The following RIN3 variants were observed in gnomAD, a reference collection of about 807,000 sequenced individuals.
RIN3 encodes the protein RAB5 interacting protein 3.
In RIN3, 54 loss-of-function variants were observed where a neutral mutation model predicts 76.3. The ratio of observed to expected loss-of-function variants is 0.71; its 90% CI spans 0.57 to 0.89. The LOEUF (loss-of-function observed/expected upper bound fraction) is 0.89, where lower values mean the gene tolerates loss of function less well. Ranked by LOEUF, RIN3 falls within the 40% of genes least tolerant of loss-of-function variation. The pLI is 0.00. For missense variants in RIN3, 1,256 were observed against 1,322.1 expected (o/e 0.95, Z 0.78); for synonymous variants, 576 against 564.0 (o/e 1.02, Z -0.30).
At chr14:92,524,402 C>T (rs1391894277) in intron 1 of RIN3, among the ~76,000 whole-genome samples, 3 of 152,202 alleles carry the variant, frequency 2.0e-5, no homozygotes, top group Non-Finnish European at 4.4e-5. Flanking sequence ...GCCACTTCAC[C>T]TCTTTGCCTA....
Position 92,652,907 on chromosome 14 carries a change from G to C in RIN3, c.1858G>C (p.Val620Leu), listed in dbSNP as rs758340968. ...QDKGSYFGSL[V>L]QDYKVYSLEM... is the part of the protein sequence containing the mutation. ...CAAGGGCTCGTACTTTGGCAGCCTG[G>C]TGCAGGACTACAAGGTGTACAGCCT... Residue 620 changes from valine to leucine, a missense_variant, in exon 6 of 10, where the codon GTG becomes CTG. Around this residue, in one of 3 missense-constraint regions of RIN3, gnomAD observed 428 missense variants for 521.2 expected, o/e 0.82. Coordinates refer to ENST00000216487, the MANE Select transcript of RIN3 (RefSeq NM_024832.5). The surrounding 1 kb of genome is among the most constrained non-coding windows in gnomAD (Gnocchi z 6.4). 77 of 1,613,932 alleles carry C rather than the reference G, an allele frequency of 4.8e-5. No individual in the cohort carries two copies. Among genetic ancestry groups the C allele is most frequent in the Non-Finnish European group, 5.3e-5 (63 of 1,180,050 alleles).
At chr14:92,614,481 A>G (rs1337820332) in intron 3 of RIN3, among the ~76,000 whole-genome samples, 2 of 152,170 alleles carry the variant, frequency 1.3e-5, no homozygotes, top group East Asian at 1.9e-4. Context: ...TGATGAGTGT[A>G]TATTAACACC....
chr14:92,660,361 G>A (rs1320256469), intron 7 of RIN3, among the ~76,000 whole-genome samples: 1 of 152,176 alleles, frequency 6.6e-6, no homozygotes, highest in Non-Finnish European at 1.5e-5. Flanking sequence ...GGACGGCCTT[G>A]CCCACATGCT....
In RIN3 at chr14:92,651,689, G is replaced by A. The variant is rs1325737876; in HGVS notation, c.640G>A (p.Ala214Thr). ...FPLVSSLRPT[A>T]HDANCACEIE... ...CCTAGTCTCCAGCCTCAGGCCCACA[G>A]CCCATGACGCAAACTGTGCCTGTGA... Residue 214 changes from alanine to threonine, a missense_variant, in exon 6 of 10, where the codon GCC (alanine) becomes ACC (threonine). Around this residue, in one of 3 missense-constraint regions of RIN3, gnomAD observed 610 missense variants for 626.4 expected, o/e 0.97. Coordinates refer to ENST00000216487, the MANE Select transcript of RIN3 (RefSeq NM_024832.5). The A allele has an allele frequency of 6.2e-7, 1 of 1,613,946 alleles. No homozygotes were observed. Among genetic ancestry groups the A allele is most frequent in the Non-Finnish European group, 8.5e-7 (1 of 1,180,004 alleles).
chr14:92,546,678 A>G (rs780776221), intron 1 of RIN3, among the ~76,000 whole-genome samples: 1 of 151,838 alleles, frequency 6.6e-6, no homozygotes, highest in African/African-American at 2.4e-5. Flanking sequence ...GATTGTTATG[A>G]TAGTGGGCGT....
In RIN3 at chr14:92,688,461, G is replaced by A. The variant is rs1888965188; in HGVS notation, c.*209G>A. The A allele has an allele frequency of 1.7e-6, 1 of 574,164 alleles. No homozygotes were observed. Among genetic ancestry groups the A allele is most frequent in the Non-Finnish European group, 3.1e-6 (1 of 326,078 alleles). 35.6% of individuals were successfully genotyped at this position (574,164 alleles called of 1,614,324 possible). On this transcript the variant is annotated 3_prime_UTR_variant, in exon 10 of 10. Transcript: ENST00000216487. ...CAAGTCCTAATAGCCCTGAGACACCGAGACGGCATGTTCTTCATTAGACGG... is the reference window on the plus strand; with the variant it reads ...CAAGTCCTAATAGCCCTGAGACACCAAGACGGCATGTTCTTCATTAGACGG...
intron 3 of RIN3, among the ~76,000 whole-genome samples, chr14:92,589,280 T>C (rs1200449998): frequency 6.6e-6 from 1 of 152,080 alleles, no homozygotes; most frequent in Non-Finnish European, 1.5e-5. Flanking sequence ...CCATTTCCTC[T>C]GCTTGGGTTG....
At chr14:92,631,847 G>A in intron 4 of RIN3, among the ~76,000 whole-genome samples, 1 of 151,994 alleles carries the variant, frequency 6.6e-6, no homozygotes, top group Non-Finnish European at 1.5e-5. Context: ...CAAATGTTCT[G>A]CCCACCTCAG....
rs751687000 is a variant in RIN3, at chr14:92,577,451, A to G, written c.341A>G (p.Glu114Gly). 3.1e-6 allele frequency: 5 copies of G among 1,612,832 alleles called. No individual in the cohort carries two copies. The highest frequency in any genetic ancestry group is 1.7e-4 in the Middle Eastern group (1 of 5,978). Residue 114 changes from glutamate (E) to glycine (G), a missense_variant, in exon 3 of 10, where the codon GAA becomes GGA. Physicochemically the swap from Glu to Gly is moderately conservative, Grantham distance 98 (BLOSUM62 -2). Coordinates refer to ENST00000216487, the MANE Select transcript of RIN3 (RefSeq NM_024832.5). ...AACGAAAGCTCGGCCGAGGTGCTCGAATACACCATTAAGGAAGAAAAGTCG... is the reference window on the plus strand; with the variant it reads ...AACGAAAGCTCGGCCGAGGTGCTCGGATACACCATTAAGGAAGAAAAGTCG... The part of the protein sequence containing the change: ...SLNESSAEVL[E>G]YTIKEEKSIL...
chr14:92,688,434 G>A lies in RIN3; in HGVS notation c.*182G>A. 1 of 613,046 alleles carries A rather than the reference G, an allele frequency of 1.6e-6. No individual in the cohort carries two copies. Among genetic ancestry groups the A allele is most frequent in the Non-Finnish European group, 2.8e-6 (1 of 355,504 alleles). 38.0% of individuals were successfully genotyped at this position (613,046 alleles called of 1,614,324 possible). ...CGCTCGTCCAAGGCCACTTCCTGAG[G>A]GCAAGTCCTAATAGCCCTGAGACAC... On this transcript the variant is annotated 3_prime_UTR_variant, in exon 10 of 10. Transcript: ENST00000216487.
intron 1 of RIN3, among the ~76,000 whole-genome samples, chr14:92,525,210 C>CTACA (rs1482045014): frequency 2.0e-5 from 3 of 152,182 alleles, no homozygotes; most frequent in Non-Finnish European, 4.4e-5. Context: ...CAGAGGCACC[C>CTACA]TACAGGCTAC....
At chr14:92,566,015 A>G (rs530929578) in intron 2 of RIN3, among the ~76,000 whole-genome samples, 2 of 152,352 alleles carry the variant, frequency 1.3e-5, no homozygotes, top group African/African-American at 2.4e-5. Flanking sequence ...ACTGCTTACT[A>G]TGTAGCAGGC....
chr14:92,578,920 ATTCTT>A (rs1392940720), intron 3 of RIN3, among the ~76,000 whole-genome samples: 2 of 151,318 alleles, frequency 1.3e-5, no homozygotes, highest in African/African-American at 2.4e-5. Flanking sequence ...AATTTCTTTT[ATTCTT>A]TTCTTTTCTT....
intron 3 of RIN3, among the ~76,000 whole-genome samples, chr14:92,596,905 G>A (rs375517002): frequency 1.1e-4 from 16 of 152,332 alleles, no homozygotes; most frequent in African/African-American, 3.8e-4. Context: ...GCTGGTGACA[G>A]CTGATTGTGT....
intron 7 of RIN3, 57 bp downstream of exon 7, chr14:92,659,526 A>T (rs1887801719): frequency 6.8e-7 from 1 of 1,475,000 alleles, no homozygotes; most frequent in Non-Finnish European, 9.1e-7. Flanking sequence ...TGGGTCCATG[A>T]CCCCACCCTG....
chr14:92,614,801 A>T (rs2093595), intron 3 of RIN3, among the ~76,000 whole-genome samples: 24,067 of 64,318 alleles, frequency 0.37, 2,371 homozygotes, highest in Middle Eastern at 0.49. Context: ...AAACCTCTTT[A>T]TATATATATA....
rs1595514516 is a variant in RIN3 at position 92,688,274 on chromosome 14, C to T, written c.*22C>T. On this transcript the variant is annotated 3_prime_UTR_variant, in exon 10 of 10. Coordinates refer to ENST00000216487, the MANE Select transcript of RIN3 (RefSeq NM_024832.5). Reference sequence around the variant, plus strand: ...GTGAGGCCCTCCCGGGGCGCCTCCCCTCACCCCCAGGCGCACGTCTGGCCC... The same window carrying T: ...GTGAGGCCCTCCCGGGGCGCCTCCCTTCACCCCCAGGCGCACGTCTGGCCC... 2 of 1,533,962 alleles carry T rather than the reference C, an allele frequency of 1.3e-6. No homozygotes were observed. Among genetic ancestry groups the T allele is most frequent in the African/African-American group, 2.7e-5 (2 of 73,558 alleles).
Position 92,651,900 on chromosome 14 carries a change from C to A in RIN3, c.851C>A (p.Pro284His). The A allele has an allele frequency of 1.3e-6, 2 of 1,589,210 alleles. No homozygotes were observed. Among genetic ancestry groups the A allele is most frequent in the Non-Finnish European group, 1.7e-6 (2 of 1,168,380 alleles). The change falls in exon 6 of 10, where the codon CCC becomes CAC. Residue 284 changes from proline (P) to histidine (H), a missense_variant. Coordinates refer to ENST00000216487, the MANE Select transcript of RIN3 (RefSeq NM_024832.5). The part of the protein sequence containing the change: ...RWAPRRPPPP[P>H]PVLPLQPCSP... The stretch of plus-strand genomic sequence containing the variant: ...GCCCCACGCCGCCCACCACCCCCTC[C>A]CCCAGTGCTGCCCCTGCAGCCCTGC...
At chr14:92,634,918 T>C (rs1886721578) in intron 4 of RIN3, among the ~76,000 whole-genome samples, 1 of 151,398 alleles carries the variant, frequency 6.6e-6, no homozygotes, top group Non-Finnish European at 1.5e-5. Context: ...GGACTCTTGG[T>C]TGGAAACCTA....
Sources: gnomAD v4.1 joint callset for allele counts (sites outside exome capture counted in the v4.1 genomes callset) on GRCh38, gnomAD v4.1.1 for gene constraint, gnomAD v4.1.1 regional missense constraint, Gnocchi (gnomAD v3.1) non-coding constraint, MANE v1.5 for transcripts, NCBI Gene and HGNC (gene_info 2026-07-23, HGNC 2026-07-21) for gene names.